The following ABCB11 variants were observed in gnomAD, a reference collection of about 807,000 sequenced individuals.
ABCB11 encodes ATP binding cassette subfamily B member 11.
In ABCB11, 95 loss-of-function variants were observed where a neutral mutation model predicts 148.0. That is an observed-to-expected ratio of 0.64 (90% confidence interval 0.54 to 0.76). The LOEUF is 0.76. Among genes scored for constraint, ABCB11 ranks in the 30% least tolerant of loss-of-function variants. The pLI is 0.00. For missense variants in ABCB11, 1,523 were observed against 1,617.8 expected, an observed-to-expected ratio of 0.94 and a Z score of 1.01; for synonymous variants, 591 against 555.4, an observed-to-expected ratio of 1.06 and a Z score of -0.90.
intron 11 of ABCB11, among the ~76,000 whole-genome samples, chr2:168,977,794 T>C (rs1028883971): frequency 6.6e-6 from 1 of 152,166 alleles, no homozygotes; most frequent in East Asian, 1.9e-4. Context: ...ACTGCCACTT[T>C]AAAACCGTCA....
intron 5 of ABCB11, among the ~76,000 whole-genome samples, chr2:169,009,545 A>T (rs1695119235): frequency 8.1e-6 from 1 of 123,842 alleles, no homozygotes. Context: ...ACATGGACAC[A>T]GGAAGGGGAA....
Position 168,960,653 on chromosome 2 carries a change from G to C in ABCB11, c.2179-2525C>G, listed in dbSNP as rs151293041. ...TCTATACTAAAAGTTTGACTTTAAA[G>C]TTTGACCCCCCCGAAAAAATGCAAC... On this transcript the variant is annotated intron_variant, in intron 18 of 27. Coordinates refer to ENST00000650372, the MANE Select transcript of ABCB11 (RefSeq NM_003742.4). 1.5e-4 allele frequency among the ~76,000 whole-genome samples: 23 copies of C among 151,600 alleles called. No individual in the cohort carries two copies. In the East Asian group the frequency reaches 2.9e-3, roughly 19 times the overall value.
chr2:168,998,306 G>A (rs1405515021), intron 5 of ABCB11, among the ~76,000 whole-genome samples: 2 of 152,002 alleles, frequency 1.3e-5, no homozygotes, highest in East Asian at 1.9e-4. Flanking sequence ...GAGCAGTGGA[G>A]GGGGAGGGAT....
intron 5 of ABCB11, among the ~76,000 whole-genome samples, chr2:169,011,424 C>G (rs1341899046): frequency 1.3e-5 from 2 of 152,154 alleles, no homozygotes; most frequent in Admixed American, 1.3e-4. Flanking sequence ...AACTCAATCT[C>G]TCTTTTATAC....
At position 168,953,079 on chromosome 2, in the gene ABCB11, T is replaced by C. The variant is rs138157088; in HGVS notation, c.2343+4885A>G. Among the ~76,000 whole-genome samples the C allele has an allele frequency of 1.6e-3, 248 of 151,802 alleles. 7 individuals carry two copies. The East Asian group carries it at 0.03, about 18-fold the overall frequency. ...CTGTGGCCTGAGAAGATACTTGATATGGCTTCAGTTTTTAAAAAATTCATT... is the reference window on the plus strand; with the variant it reads ...CTGTGGCCTGAGAAGATACTTGATACGGCTTCAGTTTTTAAAAAATTCATT... On this transcript the variant is annotated intron_variant, in intron 19 of 27. Transcript: ENST00000650372.
chr2:169,018,091 T>G lies in ABCB11; in HGVS notation c.35A>C (p.Lys12Thr). ...SDSVILRSIK[K>T]FGEENDGFES... ...AAAACCATCATTCTCCTCTCCAAAT[T>G]TCTTTATACTTCGAAGAATTACTGA... The change falls in exon 2 of 28, where the codon AAA becomes ACA. Residue 12 changes from lysine to threonine, a missense_variant. Lys to Thr is a moderately conservative substitution (Grantham distance 78, BLOSUM62 -1). Coordinates refer to ENST00000650372, the MANE Select transcript of ABCB11 (RefSeq NM_003742.4). 6.2e-7 allele frequency: 1 copy of G among 1,613,676 alleles called. No homozygotes were observed. Among genetic ancestry groups the G allele is most frequent in the Non-Finnish European group, 8.5e-7 (1 of 1,179,704 alleles).
At position 168,986,117 on chromosome 2, in the gene ABCB11, A is replaced by G; in HGVS notation, c.1076T>C (p.Leu359Pro). 6.2e-7 allele frequency: 1 copy of G among 1,603,728 alleles called. No individual in the cohort carries two copies. The highest frequency in any genetic ancestry group is 1.3e-5 in the African/African-American group (1 of 74,562). The change falls in exon 10 of 28, where the codon CTT (leucine) becomes CCT (proline). Residue 359 changes from leucine (L) to proline (P), a missense_variant. Transcript: ENST00000650372. Reference protein sequence around the residue: ...LDEGEYTPGTLVQIFLSVIVG... With the variant: ...LDEGEYTPGTPVQIFLSVIVG... ...TCAATAAGTCCAAGGTACCTGGACA[A>G]GGGTTCCTGGTGTATATTCTCCTTC...
At chr2:168,940,052 C>A (rs1691995051) in intron 21 of ABCB11, among the ~76,000 whole-genome samples, 1 of 152,010 alleles carries the variant, frequency 6.6e-6, no homozygotes, top group South Asian at 2.1e-4. Context: ...TATCCTCAGA[C>A]CTCCCTATTA....
At chr2:168,998,126 A>T (rs112980109) in intron 5 of ABCB11, among the ~76,000 whole-genome samples, 1 of 152,078 alleles carries the variant, frequency 6.6e-6, no homozygotes, top group Non-Finnish European at 1.5e-5. Flanking sequence ...TAAAAGCTAA[A>T]TATCTCTGAA....
chr2:168,932,033 T>C (rs983118070), intron 24 of ABCB11, among the ~76,000 whole-genome samples: 1 of 152,106 alleles, frequency 6.6e-6, no homozygotes, highest in African/African-American at 2.4e-5. Flanking sequence ...AGACTTTAAG[T>C]TCTGGGGTAG....
chr2:169,015,070 C>T (rs942218905), intron 3 of ABCB11, among the ~76,000 whole-genome samples: 2 of 152,174 alleles, frequency 1.3e-5, no homozygotes, highest in African/African-American at 4.8e-5. Context: ...GTCAACCTCA[C>T]TTGAGCCATG....
intron 21 of ABCB11, 48 bp downstream of exon 21, chr2:168,944,557 G>T: frequency 6.6e-7 from 1 of 1,520,980 alleles, no homozygotes; most frequent in Non-Finnish European, 8.8e-7. Context: ...TCTAATGAAA[G>T]AATGCCAATG....
chr2:168,916,521 G>A (rs1690944488), downstream of ABCB11, among the ~76,000 whole-genome samples: 2 of 152,164 alleles, frequency 1.3e-5, no homozygotes, highest in Admixed American at 6.5e-5. Context: ...ACATTATAAT[G>A]CTGGCCAGTG....
chr2:169,011,934 C>T (rs547951683), intron 5 of ABCB11, among the ~76,000 whole-genome samples: 88 of 152,188 alleles, frequency 5.8e-4, no homozygotes, highest in Non-Finnish European at 1.0e-3. Context: ...CAGAGTGTTA[C>T]GATTACAGGC....
intron 1 of ABCB11, among the ~76,000 whole-genome samples, chr2:169,019,000 G>T (rs1695456007): frequency 6.6e-6 from 1 of 151,480 alleles, no homozygotes; most frequent in Admixed American, 6.6e-5. Flanking sequence ...CTGGCGAGAG[G>T]ACTGTAAGTG....
At position 168,936,389 on chromosome 2, in the gene ABCB11, G is replaced by T. The variant is rs756738723; in HGVS notation, c.2655C>A (p.Asn885Lys). Residue 885 changes from asparagine to lysine, a missense_variant, in exon 22 of 28, where the codon AAC becomes AAA. By Grantham distance (94) the Asn-to-Lys change is moderately conservative. Coordinates refer to ENST00000650372, the MANE Select transcript of ABCB11 (RefSeq NM_003742.4). ...QIGMIVNSFT[N>K]VTVAMIIAFS... ...AGGCAATGATCATGGCCACAGTGAC[G>T]TTAGTGAAGGAATTGACTATCATCC... 2.5e-6 allele frequency: 4 copies of T among 1,613,904 alleles called. No individual in the cohort carries two copies. In the South Asian group the frequency reaches 3.3e-5, roughly 13 times the overall value.
chr2:168,936,074 G>A (rs997284169), intron 22 of ABCB11, among the ~76,000 whole-genome samples, 156 bp downstream of exon 22: 2 of 152,158 alleles, frequency 1.3e-5, no homozygotes, highest in Admixed American at 6.5e-5. Context: ...CAGCCTTTGC[G>A]CCAAGCACGC....
chr2:168,953,632 T>G (rs1231472615), intron 19 of ABCB11, among the ~76,000 whole-genome samples: 1 of 151,612 alleles, frequency 6.6e-6, no homozygotes, highest in African/African-American at 2.4e-5. Context: ...TGGATTATTT[T>G]TTTAATCCAT....
chr2:168,988,111 C>T (rs1260777810), intron 9 of ABCB11, among the ~76,000 whole-genome samples: 1 of 152,126 alleles, frequency 6.6e-6, no homozygotes, highest in African/African-American at 2.4e-5. Flanking sequence ...TTATAAACTG[C>T]CTCTTAAATG....
Sources: gnomAD v4.1 joint callset for allele counts (sites outside exome capture counted in the v4.1 genomes callset) on GRCh38, gnomAD v4.1.1 for gene constraint, MANE v1.5 for transcripts, NCBI Gene and HGNC (gene_info 2026-07-23, HGNC 2026-07-21) for gene names.